The following ICOS variants were observed in gnomAD, a reference collection of about 807,000 sequenced individuals.
The protein encoded by ICOS is inducible T-cell costimulator.
A neutral mutation model predicts 24.6 loss-of-function variants in ICOS; 15 were observed. That is an observed-to-expected ratio of 0.61 (90% CI 0.41 to 0.94). ICOS has a LOEUF of 0.94. Ranked by LOEUF, ICOS falls within the 40% of genes least tolerant of loss-of-function variation. The probability of loss-of-function intolerance (pLI) is 0.00; values close to 1 mark genes in which losing one functional copy is unlikely to be tolerated. For synonymous variants in ICOS, 89 were observed against 77.5 expected (o/e 1.15, Z -0.78); for missense variants, 200 against 233.0 (o/e 0.86, Z 0.92).
chr2:203,949,563 GA>G (rs1415784299), intron 1 of ICOS, among the ~76,000 whole-genome samples: 1 of 152,202 alleles, frequency 6.6e-6, no homozygotes, highest in Non-Finnish European at 1.5e-5. Context: ...TAGGATGCCT[GA>G]AACATGAAGT....
At position 203,955,904 on chromosome 2, in the gene ICOS, C is replaced by T. The variant is rs1215041644; in HGVS notation, c.327C>T (p.Cys109=). 1.9e-6 allele frequency: 3 copies of T among 1,613,176 alleles called. No homozygotes were observed. Among genetic ancestry groups the T allele is most frequent in the Non-Finnish European group, 2.5e-6 (3 of 1,179,446 alleles). ...ATTCTCATGCCAACTATTACTTCTG[C>T]AACCTATCAATTTTTGATCCTCCTC... ...LDHSHANYYF[C]NLSIFDPPPF... The change falls in exon 2 of 5, where the codon TGC becomes TGT. Residue 109 remains cysteine (C), a synonymous_variant. Coordinates refer to ENST00000316386, the MANE Select transcript of ICOS (RefSeq NM_012092.4).
rs943395931 is a variant in ICOS at position 203,959,791 on chromosome 2, G to A, written c.*192G>A. 1.1e-5 allele frequency: 7 copies of A among 661,886 alleles called. No individual in the cohort carries two copies. Among genetic ancestry groups the A allele is most frequent in the African/African-American group, 5.4e-5 (3 of 55,486 alleles). The allele number at this position is 661,886 out of a possible 1,614,324, so 41.0% of individuals were successfully genotyped here. On this transcript the variant is annotated 3_prime_UTR_variant, in exon 5 of 5. Coordinates refer to ENST00000316386, the MANE Select transcript of ICOS (RefSeq NM_012092.4). The stretch of plus-strand genomic sequence containing the variant: ...TTTAACAGACTGCCTTGGTACTGCC[G>A]AGTCCTCTCAAAACAAACACCCTCT...
intron 1 of ICOS, among the ~76,000 whole-genome samples, chr2:203,937,454 A>C (rs2105741610): frequency 6.6e-6 from 1 of 152,304 alleles, no homozygotes; most frequent in Non-Finnish European, 1.5e-5. Context: ...CTTACAAAAA[A>C]GATCATTCTG....
At chr2:203,944,213 C>G (rs747902324) in intron 1 of ICOS, among the ~76,000 whole-genome samples, 2 of 152,182 alleles carry the variant, frequency 1.3e-5, no homozygotes, top group Non-Finnish European at 2.9e-5. Context: ...ATTCCTTCTC[C>G]CTGTGGAGTT....
intron 1 of ICOS, among the ~76,000 whole-genome samples, chr2:203,938,887 G>A (rs532509590): frequency 3.9e-5 from 6 of 152,188 alleles, no homozygotes; most frequent in South Asian, 2.1e-4. Context: ...CCTGAGGCAC[G>A]AGTGGCTAAA....
At chr2:203,948,785 G>A (rs1257268292) in intron 1 of ICOS, among the ~76,000 whole-genome samples, 1 of 152,220 alleles carries the variant, frequency 6.6e-6, no homozygotes, top group East Asian at 1.9e-4. Context: ...ACTCTTGAAC[G>A]ATGACAAAGA....
chr2:203,960,184 C>T lies in ICOS; in HGVS notation c.*585C>T. The T allele has an allele frequency of 1.2e-5, 2 of 160,080 alleles. No individual in the cohort carries two copies. Among genetic ancestry groups the T allele is most frequent in the East Asian group, 1.8e-4 (1 of 5,670 alleles). 9.9% of individuals were successfully genotyped at this position (160,080 alleles called of 1,614,324 possible). A position where few individuals can be genotyped will look rare whatever the true frequency, so the allele number is the denominator to read the frequency against. On this transcript the variant is annotated 3_prime_UTR_variant, in exon 5 of 5. Coordinates refer to ENST00000316386, the MANE Select transcript of ICOS (RefSeq NM_012092.4). ...ACCCCAGTTGACCATTTTACCAAGACTTTAGATGCTTTCTTGTGCCCTCAA... is the reference window on the plus strand; with the variant it reads ...ACCCCAGTTGACCATTTTACCAAGATTTTAGATGCTTTCTTGTGCCCTCAA...
chr2:203,941,094 C>A (rs1338327955), intron 1 of ICOS, among the ~76,000 whole-genome samples: 1 of 152,174 alleles, frequency 6.6e-6, no homozygotes, highest in Non-Finnish European at 1.5e-5. Context: ...CCGCGCCCCG[C>A]TGTTCTATTA....
intron 1 of ICOS, among the ~76,000 whole-genome samples, chr2:203,954,991 A>G (rs909449165): frequency 6.6e-6 from 1 of 152,014 alleles, no homozygotes; most frequent in African/African-American, 2.4e-5. Flanking sequence ...TTACTGATGT[A>G]CATCAGTGAT....
rs113208180 is a variant in ICOS, at chr2:203,951,559, C to T, written c.59-4077C>T. Among the ~76,000 whole-genome samples, 286 of 152,246 alleles carry T rather than the reference C, an allele frequency of 1.9e-3. 2 individuals are homozygous for T. The highest frequency in any genetic ancestry group is 5.6e-3 in the East Asian group (29 of 5,178). ...GCAATGCACTTCCACCACACTGCACCGCCAACCATTCATGTCCTCTTGTGT... is the reference window on the plus strand; with the variant it reads ...GCAATGCACTTCCACCACACTGCACTGCCAACCATTCATGTCCTCTTGTGT... On this transcript the variant is annotated intron_variant, in intron 1 of 4. Coordinates refer to ENST00000316386, the MANE Select transcript of ICOS (RefSeq NM_012092.4).
intron 1 of ICOS, among the ~76,000 whole-genome samples, chr2:203,951,614 A>C (rs940950642): frequency 2.0e-5 from 3 of 152,088 alleles, no homozygotes; most frequent in Non-Finnish European, 2.9e-5. Context: ...ATGGGGGAAA[A>C]ATCTGCTGAG....
chr2:203,937,763 G>C (rs1051009530), intron 1 of ICOS, among the ~76,000 whole-genome samples: 2 of 151,738 alleles, frequency 1.3e-5, no homozygotes, highest in African/African-American at 4.8e-5. Context: ...AGACCTTACT[G>C]TTCTTACAAA....
intron 1 of ICOS, among the ~76,000 whole-genome samples, chr2:203,937,591 C>T (rs1689679293): frequency 6.6e-6 from 1 of 152,038 alleles, no homozygotes; most frequent in Non-Finnish European, 1.5e-5. Context: ...ATTTGTACTA[C>T]TTTTGTTTTC....
intron 2 of ICOS, among the ~76,000 whole-genome samples, chr2:203,956,406 A>T (rs1690079024): frequency 6.6e-6 from 1 of 152,180 alleles, no homozygotes; most frequent in Non-Finnish European, 1.5e-5. Flanking sequence ...CCTCTTTTAT[A>T]AAAATATAGG....
In ICOS at chr2:203,959,779, C is replaced by T; in HGVS notation, c.*180C>T. 1.4e-6 allele frequency: 1 copy of T among 693,818 alleles called. No individual in the cohort carries two copies. The highest frequency in any genetic ancestry group is 2.7e-5 in the East Asian group (1 of 36,694). The allele number at this position is 693,818 out of a possible 1,614,324, so 43.0% of individuals were successfully genotyped here. On this transcript the variant is annotated 3_prime_UTR_variant, in exon 5 of 5. Coordinates refer to ENST00000316386, the MANE Select transcript of ICOS (RefSeq NM_012092.4). Reference sequence around the variant, plus strand: ...GTCAATGGGGATTTTAACAGACTGCCTTGGTACTGCCGAGTCCTCTCAAAA... The same window carrying T: ...GTCAATGGGGATTTTAACAGACTGCTTTGGTACTGCCGAGTCCTCTCAAAA...
intron 1 of ICOS, among the ~76,000 whole-genome samples, chr2:203,945,048 T>C (rs1298043725): frequency 1.2e-5 from 1 of 81,566 alleles, no homozygotes; most frequent in Non-Finnish European, 3.7e-5. Flanking sequence ...TGTGAAAGCA[T>C]TTTGTGTCAA....
chr2:203,949,241 T>C (rs192634506), intron 1 of ICOS, among the ~76,000 whole-genome samples: 2 of 152,366 alleles, frequency 1.3e-5, no homozygotes, highest in African/African-American at 4.8e-5. Context: ...TTAGGCGTTC[T>C]TCCTGCTCAC....
chr2:203,957,949 T>TG, intron 4 of ICOS, 66 bp downstream of exon 4: 1 of 921,456 alleles, frequency 1.1e-6, no homozygotes. Context: ...GAATGTTAAT[T>TG]TTTTTTTTTT....
intron 1 of ICOS, among the ~76,000 whole-genome samples, chr2:203,951,659 A>G (rs4355090): frequency 0.32 from 48,237 of 152,064 alleles, 8,012 homozygotes; most frequent in East Asian, 0.48. Flanking sequence ...CAATGCGTCT[A>G]TGTCTGTGTA....
Sources: gnomAD v4.1 joint callset for allele counts (sites outside exome capture counted in the v4.1 genomes callset) on GRCh38, gnomAD v4.1.1 for gene constraint, MANE v1.5 for transcripts, NCBI Gene and HGNC (gene_info 2026-07-23, HGNC 2026-07-21) for gene names.